The following SLC38A12 variants were observed in gnomAD, a reference collection of about 807,000 sequenced individuals.
SLC38A12 encodes solute carrier family 38 member 12, also known as putative sodium-coupled neutral amino acid transporter 12.
At chr17:74,839,731 C>T in the SLC38A12 span, 1 of 152,670 alleles carries the variant, frequency 6.6e-6, no homozygotes, top group South Asian at 2.1e-4. Flanking sequence ...GCCCAAAATG[C>T]TCAATAAAGC....
the SLC38A12 span, among the ~76,000 whole-genome samples, chr17:74,813,251 C>G: frequency 6.6e-6 from 1 of 152,372 alleles, no homozygotes; most frequent in East Asian, 1.9e-4. Flanking sequence ...TTTCAAGTCT[C>G]AGTCAGGAGG....
At chr17:74,785,238 G>A in the SLC38A12 span, among the ~76,000 whole-genome samples, 1 of 152,232 alleles carries the variant, frequency 6.6e-6, no homozygotes, top group East Asian at 1.9e-4. Flanking sequence ...AGCAGGAGCA[G>A]AGACTGAAAC....
the SLC38A12 span, among the ~76,000 whole-genome samples, chr17:74,784,842 G>A: frequency 1.2e-4 from 19 of 152,258 alleles, no homozygotes; most frequent in African/African-American, 4.1e-4. Context: ...TTTGGGGGGT[G>A]ATAAAATGGA....
the SLC38A12 span, among the ~76,000 whole-genome samples, chr17:74,813,909 T>C: frequency 6.6e-6 from 1 of 152,176 alleles, no homozygotes; most frequent in African/African-American, 2.4e-5. Context: ...AAAGTCTTAG[T>C]TCCAGTTGGA....
the SLC38A12 span, among the ~76,000 whole-genome samples, chr17:74,818,381 C>A: frequency 6.6e-6 from 1 of 152,242 alleles, no homozygotes; most frequent in Non-Finnish European, 1.5e-5. Flanking sequence ...TGCCAGGTCG[C>A]CTTCTCTAGC....
At chr17:74,814,159 TGA>T in the SLC38A12 span, among the ~76,000 whole-genome samples, 1 of 152,186 alleles carries the variant, frequency 6.6e-6, no homozygotes, top group Non-Finnish European at 1.5e-5. Flanking sequence ...CCAAGCAGAC[TGA>T]GAGTGGTCAC....
At chr17:74,780,701 A>G in the SLC38A12 span, among the ~76,000 whole-genome samples, 3 of 152,164 alleles carry the variant, frequency 2.0e-5, no homozygotes, top group Non-Finnish European at 4.4e-5. Context: ...AGAGGACTGA[A>G]TGCTCGCCAG....
the SLC38A12 span, among the ~76,000 whole-genome samples, chr17:74,812,967 G>A: frequency 2.0e-5 from 3 of 152,140 alleles, no homozygotes; most frequent in East Asian, 3.8e-4. Context: ...TCACTACAGC[G>A]TGGAAGCCAA....
the SLC38A12 span, among the ~76,000 whole-genome samples, chr17:74,814,775 A>G: frequency 1.5e-4 from 23 of 152,054 alleles, no homozygotes; most frequent in Admixed American, 1.5e-3. Flanking sequence ...TGAGCATCCC[A>G]CGTTTGAGAG....
the SLC38A12 span, among the ~76,000 whole-genome samples, chr17:74,819,179 G>A: frequency 1.3e-5 from 2 of 152,130 alleles, no homozygotes; most frequent in South Asian, 4.1e-4. Context: ...AGGGGCTCTC[G>A]TTCTCCAGGC....
chr17:74,830,217 A>C, the SLC38A12 span, among the ~76,000 whole-genome samples: 5 of 152,226 alleles, frequency 3.3e-5, no homozygotes, highest in Non-Finnish European at 2.9e-5. Flanking sequence ...TCACGGCTTC[A>C]TCCCTCCAAT....
chr17:74,808,986 C>T, the SLC38A12 span, among the ~76,000 whole-genome samples: 8 of 152,204 alleles, frequency 5.3e-5, no homozygotes, highest in Admixed American at 2.6e-4. Flanking sequence ...GCACGGGCTC[C>T]TATGAGCCGC....
the SLC38A12 span, among the ~76,000 whole-genome samples, chr17:74,804,421 C>T: frequency 3.3e-5 from 5 of 152,244 alleles, no homozygotes; most frequent in African/African-American, 7.2e-5. Context: ...AGCCACAGAA[C>T]CCCAGAGGGT....
the SLC38A12 span, among the ~76,000 whole-genome samples, chr17:74,817,555 A>G: frequency 6.6e-6 from 1 of 152,152 alleles, no homozygotes; most frequent in East Asian, 1.9e-4. Flanking sequence ...ACCACTTACA[A>G]TACCTTTCAG....
the SLC38A12 span, among the ~76,000 whole-genome samples, chr17:74,783,858 G>A: frequency 6.6e-6 from 1 of 150,736 alleles, no homozygotes; most frequent in East Asian, 1.9e-4. Flanking sequence ...AGCCTCCTGA[G>A]TAGCTGGGAT....
chr17:74,835,824 T>C, the SLC38A12 span: 4 of 1,499,728 alleles, frequency 2.7e-6, no homozygotes, highest in Non-Finnish European at 3.5e-6. Context: ...TAATGACTCT[T>C]TCTCACAGGG....
chr17:74,814,292 C>A, the SLC38A12 span, among the ~76,000 whole-genome samples: 2 of 144,098 alleles, frequency 1.4e-5, no homozygotes, highest in East Asian at 2.1e-4. Context: ...GAGCCAGGCA[C>A]CCCAGGCCCC....
At chr17:74,791,065 G>A in the SLC38A12 span, 13 of 1,597,794 alleles carry the variant, frequency 8.1e-6, no homozygotes, top group Non-Finnish European at 1.1e-5. Flanking sequence ...GTGGGGTGTG[G>A]GGAAACGGGG....
At chr17:74,785,716 C>G in the SLC38A12 span, 1 of 1,392,308 alleles carries the variant, frequency 7.2e-7, no homozygotes, top group African/African-American at 1.4e-5. Flanking sequence ...CTGTCTACCC[C>G]GTATCGAGCT....
Sources: allele counts gnomAD v4.1 joint callset (sites outside exome capture counted in the v4.1 genomes callset), GRCh38; gene constraint gnomAD v4.1.1; transcripts MANE v1.5; gene names NCBI Gene and HGNC (gene_info 2026-07-23, HGNC 2026-07-21).